The following XG variants were observed in gnomAD, a reference collection of about 807,000 sequenced individuals.
XG encodes the protein Xg glycoprotein (Xg blood group).
XG carries 24 observed loss-of-function variants against 25.7 expected under a neutral mutation model. That is an observed-to-expected ratio of 0.93 (90% CI 0.68 to 1.31). The LOEUF (loss-of-function observed/expected upper bound fraction) is 1.31, where lower values mean the gene tolerates loss of function less well. Among genes scored for constraint, XG ranks in the 40% most tolerant of loss-of-function variants. The pLI, the probability that XG is intolerant of heterozygous loss-of-function variation, is 0.00. For missense variants in XG, 181 were observed against 187.6 expected (o/e 0.96, Z 0.21); for synonymous variants, 77 against 69.2 (o/e 1.11, Z -0.56).
intron 1 of XG, among the ~76,000 whole-genome samples, chrX:2,765,806 C>T (rs1253110768): frequency 1.3e-5 from 2 of 148,178 alleles, no homozygotes; most frequent in Admixed American, 1.3e-4. Context: ...CATTATTATT[C>T]GAGCAATGGT....
intron 7 of XG, among the ~76,000 whole-genome samples, chrX:2,801,920 G>A (rs913227847): frequency 9.1e-6 from 1 of 110,089 alleles, no homozygotes; most frequent in Non-Finnish European, 1.9e-5. Flanking sequence ...TGTTAGCCAG[G>A]ATGATCTCGA....
intron 7 of XG, among the ~76,000 whole-genome samples, 188 bp downstream of exon 7, chrX:2,797,548 G>T (rs930248305): frequency 4.6e-5 from 5 of 107,787 alleles, no homozygotes; most frequent in African/African-American, 1.7e-4. Context: ...CCCCAGGAGG[G>T]TGGGTGCAGC....
chrX:2,807,945 T>G (rs896601126), intron 8 of XG, among the ~76,000 whole-genome samples: 1 of 111,779 alleles, frequency 8.9e-6, no homozygotes, highest in African/African-American at 3.3e-5. Flanking sequence ...AAATTAAAGC[T>G]GCATCTCCCT....
chrX:2,807,204 A>AT (rs2087007324), intron 8 of XG, among the ~76,000 whole-genome samples: 1 of 112,241 alleles, frequency 8.9e-6, no homozygotes, highest in African/African-American at 3.2e-5. Context: ...GTACTTGTGG[A>AT]TTTTGCATGT....
chrX:2,775,754 G>A (rs1206253193), intron 3 of XG, among the ~76,000 whole-genome samples: 2 of 151,834 alleles, frequency 1.3e-5, no homozygotes, highest in Non-Finnish European at 2.9e-5. Context: ...TCAGGGGTTC[G>A]AGACCAACCT....
chrX:2,809,948 C>T (rs2087038354), intron 9 of XG, among the ~76,000 whole-genome samples: 1 of 112,252 alleles, frequency 8.9e-6, no homozygotes, highest in Non-Finnish European at 1.9e-5. Context: ...TTGGCTAAAG[C>T]CTGGATTTTC....
chrX:2,779,335 A>T (rs2051070522), intron 3 of XG, among the ~76,000 whole-genome samples: 1 of 150,306 alleles, frequency 6.7e-6, no homozygotes, highest in African/African-American at 2.5e-5. Flanking sequence ...GAGTATAAAA[A>T]AAAAAAAAAA....
intron 1 of XG, among the ~76,000 whole-genome samples, chrX:2,767,935 C>T (rs1488563255): frequency 1.3e-5 from 2 of 152,252 alleles, no homozygotes; most frequent in East Asian, 1.9e-4. Context: ...GCCTAAAGCC[C>T]CCAGGCTCCA....
At chrX:2,773,027 A>T (rs903273972) in intron 2 of XG, among the ~76,000 whole-genome samples, 26 of 142,664 alleles carry the variant, frequency 1.8e-4, no homozygotes, top group Non-Finnish European at 3.5e-4. Flanking sequence ...AAAAATAGTT[A>T]TAATTTTACA....
intron 3 of XG, among the ~76,000 whole-genome samples, chrX:2,779,218 C>T (rs1406220807): frequency 6.6e-6 from 1 of 151,322 alleles, no homozygotes; most frequent in Non-Finnish European, 1.5e-5. Flanking sequence ...CGCCCATAGT[C>T]CCAGCTACTC....
At chrX:2,766,114 CTG>C (rs1328344335) in intron 1 of XG, among the ~76,000 whole-genome samples, 4 of 152,130 alleles carry the variant, frequency 2.6e-5, no homozygotes, top group Non-Finnish European at 5.9e-5. Context: ...CCAGCCAGGC[CTG>C]TGTGTCTAGA....
intron 2 of XG, among the ~76,000 whole-genome samples, chrX:2,773,067 T>A (rs752093396): frequency 1.2e-5 from 1 of 80,090 alleles, no homozygotes; most frequent in Non-Finnish European, 2.2e-5. Context: ...AAAGGAAGGA[T>A]GGGAGAGAGG....
At chrX:2,786,848 G>A (rs2086788946) in intron 4 of XG, among the ~76,000 whole-genome samples, 3 of 111,423 alleles carry the variant, frequency 2.7e-5, no homozygotes, top group South Asian at 3.9e-4. Context: ...GGGAGAAGAC[G>A]GCATCTACAA....
At chrX:2,786,236 C>T (rs1406316979) in intron 4 of XG, among the ~76,000 whole-genome samples, 2 of 102,687 alleles carry the variant, frequency 1.9e-5, no homozygotes, top group East Asian at 6.1e-4. Context: ...TTTCTCTGAC[C>T]CCAGCAGCTC....
chrX:2,790,362 G>A (rs1163122599), intron 5 of XG, among the ~76,000 whole-genome samples: 2 of 110,165 alleles, frequency 1.8e-5, no homozygotes, highest in Admixed American at 1.9e-4. Context: ...TTCGCCGGGC[G>A]TGGTGGTACA....
At chrX:2,754,107 T>C in intron 1 of XG, among the ~76,000 whole-genome samples, 1 of 152,230 alleles carries the variant, frequency 6.6e-6, no homozygotes, top group Non-Finnish European at 1.5e-5. Context: ...TAATGTGTTT[T>C]AATTTTTTTG....
At chrX:2,770,010 C>T (rs1009941896) in intron 1 of XG, among the ~76,000 whole-genome samples, 67 of 88,840 alleles carry the variant, frequency 7.5e-4, no homozygotes, top group African/African-American at 2.5e-3. Context: ...AGACTCTGTG[C>T]GTGTGTGGAG....
chrX:2,814,315 C>CTT (rs3830299), intron 10 of XG, 49 bp from the exon 11 acceptor site: 170,057 of 828,970 alleles, frequency 0.21, 5,132 homozygotes, highest in Admixed American at 0.38. Context: ...TTTAATAAGA[C>CTT]TTTTTTTTTT....
chrX:2,804,514 C>T (rs1017767763), intron 7 of XG, among the ~76,000 whole-genome samples: 1 of 111,477 alleles, frequency 9.0e-6, no homozygotes, highest in Non-Finnish European at 1.9e-5. Flanking sequence ...CACATCCGGC[C>T]CACCTTGGAG....
Sources: gnomAD v4.1 joint callset for allele counts (sites outside exome capture counted in the v4.1 genomes callset) on GRCh38, gnomAD v4.1.1 for gene constraint, MANE v1.5 for transcripts, NCBI Gene and HGNC (gene_info 2026-07-23, HGNC 2026-07-21) for gene names.